The following JAKMIP3 variants were observed in gnomAD, a reference collection of about 807,000 sequenced individuals.
The protein encoded by JAKMIP3 is janus kinase and microtubule-interacting protein 3.
In JAKMIP3, 58 loss-of-function variants were observed where a neutral mutation model predicts 118.5. The ratio of observed to expected loss-of-function variants is 0.49; its 90% CI spans 0.40 to 0.61. The LOEUF is 0.61. Among genes scored for constraint, JAKMIP3 ranks in the 20% least tolerant of loss-of-function variants. The pLI, the probability that JAKMIP3 is intolerant of heterozygous loss-of-function variation, is 0.00. For synonymous variants in JAKMIP3, 486 were observed against 451.2 expected (o/e 1.08, Z -0.98); for missense variants, 950 against 1,109.0 (o/e 0.86, Z 2.04).
At chr10:132,082,460 C>T (rs554782899) in intron 1 of JAKMIP3, among the ~76,000 whole-genome samples, 10 of 152,178 alleles carry the variant, frequency 6.6e-5, no homozygotes, top group African/African-American at 1.7e-4. Flanking sequence ...CTCCCACCTA[C>T]GAGTGAGAGC....
At chr10:132,143,150 G>GC (rs1379773368) in intron 11 of JAKMIP3, among the ~76,000 whole-genome samples, 2 of 151,942 alleles carry the variant, frequency 1.3e-5, no homozygotes, top group African/African-American at 4.8e-5. Flanking sequence ...GTCGGGGTGG[G>GC]GGGGGCTGGC....
chr10:132,097,963 T>TCCCCC (rs1477553564), intron 1 of JAKMIP3, among the ~76,000 whole-genome samples: 3 of 35,982 alleles, frequency 8.3e-5, no homozygotes, highest in African/African-American at 1.6e-4. Flanking sequence ...CCCTTTCCCT[T>TCCCCC]TCCTTCCTTT....
chr10:132,063,413 G>A (rs1306110211), upstream of JAKMIP3, among the ~76,000 whole-genome samples: 3 of 9,412 alleles, frequency 3.2e-4, no homozygotes, highest in Non-Finnish European at 4.6e-4. Flanking sequence ...TGGCTGGGAG[G>A]CTCAAAGCTC....
intron 3 of JAKMIP3, among the ~76,000 whole-genome samples, chr10:132,132,548 T>G (rs2050842313): frequency 6.6e-6 from 1 of 150,406 alleles, no homozygotes; most frequent in Non-Finnish European, 1.5e-5. Context: ...AGCGCCACGT[T>G]GTAGGGAGGG....
intron 2 of JAKMIP3, among the ~76,000 whole-genome samples, chr10:132,105,631 T>C (rs977295137): frequency 4.6e-5 from 7 of 152,194 alleles, no homozygotes; most frequent in African/African-American, 1.7e-4. Context: ...TTTCCACCTC[T>C]AGCATGACCT....
At chr10:132,163,909 A>T (rs1051007845) in intron 20 of JAKMIP3, among the ~76,000 whole-genome samples, 3 of 152,120 alleles carry the variant, frequency 2.0e-5, no homozygotes, top group South Asian at 2.1e-4. Context: ...GCACTGTGGG[A>T]CCTCAGGCCT....
intron 19 of JAKMIP3, among the ~76,000 whole-genome samples, chr10:132,158,978 T>C (rs34205715): frequency 0.48 from 7,472 of 15,662 alleles, 3,156 homozygotes; most frequent in Admixed American, 0.64. Context: ...CTGGGGGGGA[T>C]CTCTCGCTGT....
In JAKMIP3 at chr10:132,139,245, T is replaced by TGTGA. The variant is rs1196484029; in HGVS notation, c.1344+1070_1344+1071insAGTG. Among the ~76,000 whole-genome samples, 134 of 120,326 alleles carry TGTGA rather than the reference T, an allele frequency of 1.1e-3. 3 individuals are homozygous for TGTGA. Among genetic ancestry groups the TGTGA allele is most frequent in the African/African-American group, 4.9e-3 (129 of 26,514 alleles). The allele number at this position is 120,326 out of a possible 152,430, so 78.9% of individuals were successfully genotyped here. ...ACATGTGAGTGTATATGCATCTGTGTGTGTATGTGTGTGTGTGTATGTGTG... is the reference window on the plus strand; with the variant it reads ...ACATGTGAGTGTATATGCATCTGTGTGTGAGTGTATGTGTGTGTGTGTATGTGTG... On this transcript the variant is annotated intron_variant, in intron 9 of 23. Coordinates refer to ENST00000684848, the MANE Select transcript of JAKMIP3 (RefSeq NM_001323087.2).
At chr10:132,149,321 T>C (rs2055351396) in intron 14 of JAKMIP3, 91 bp from the exon 15 acceptor site, 7 of 815,852 alleles carry the variant, frequency 8.6e-6, no homozygotes, top group Non-Finnish European at 7.9e-6. Flanking sequence ...GGTTCCATGG[T>C]CTTGGCCCGT....
upstream of JAKMIP3, among the ~76,000 whole-genome samples, chr10:132,061,335 C>T (rs115877149): frequency 5.3e-3 from 813 of 152,296 alleles, 11 homozygotes; most frequent in African/African-American, 0.018. Flanking sequence ...ATGCATCACA[C>T]GTTGTGCAAA....
intron 23 of JAKMIP3, among the ~76,000 whole-genome samples, chr10:132,170,590 G>A (rs1158399330): frequency 6.6e-6 from 1 of 152,202 alleles, no homozygotes; most frequent in Non-Finnish European, 1.5e-5. Flanking sequence ...ATCCCTGGAT[G>A]GAGCCATTTC....
At chr10:132,135,011 A>C in intron 4 of JAKMIP3, 30 bp from the exon 5 acceptor site, 2 of 1,609,064 alleles carry the variant, frequency 1.2e-6, no homozygotes, top group Non-Finnish European at 1.7e-6. Flanking sequence ...GTGGGTAGGA[A>C]CCGTTATTTG....
intron 1 of JAKMIP3, among the ~76,000 whole-genome samples, chr10:132,043,166 C>A (rs946063875): frequency 1.3e-5 from 2 of 152,116 alleles, no homozygotes; most frequent in African/African-American, 2.4e-5. Context: ...GTGTTTTGTT[C>A]CCTCTGCTGG....
chr10:132,136,462 C>CG (rs2051797073), intron 6 of JAKMIP3, among the ~76,000 whole-genome samples: 1 of 152,074 alleles, frequency 6.6e-6, no homozygotes, highest in African/African-American at 2.4e-5. Context: ...AAGCAGGAGT[C>CG]GGGGGCAGGG....
upstream of JAKMIP3, among the ~76,000 whole-genome samples, chr10:132,064,512 C>G (rs565859635): frequency 3.3e-5 from 5 of 152,152 alleles, no homozygotes; most frequent in Non-Finnish European, 5.9e-5. This position sits in a 1 kb window ranked among gnomAD's most constrained non-coding sequence, Gnocchi z 4.4. Flanking sequence ...CCCACCGTTC[C>G]GGGTCTGAAT....
chr10:132,140,028 C>T (rs567524024), intron 9 of JAKMIP3, among the ~76,000 whole-genome samples: 8 of 152,264 alleles, frequency 5.3e-5, no homozygotes, highest in African/African-American at 1.2e-4. Context: ...CGGAGGACCC[C>T]GTTTTTGTTT....
At chr10:132,091,886 G>A (rs943162966) in intron 1 of JAKMIP3, among the ~76,000 whole-genome samples, 1 of 152,118 alleles carries the variant, frequency 6.6e-6, no homozygotes, top group African/African-American at 2.4e-5. Context: ...TTACAATTTG[G>A]CATGTTTCTG....
At chr10:132,108,759 T>C (rs1365270150) in intron 2 of JAKMIP3, among the ~76,000 whole-genome samples, 1 of 151,888 alleles carries the variant, frequency 6.6e-6, no homozygotes, top group African/African-American at 2.4e-5. Context: ...TCCCAGCACT[T>C]TGGAAGGCTG....
upstream of JAKMIP3, among the ~76,000 whole-genome samples, chr10:132,061,308 T>G (rs1298185724): frequency 6.6e-6 from 1 of 152,124 alleles, no homozygotes; most frequent in African/African-American, 2.4e-5. Context: ...ACACACACGT[T>G]AGGCACCAAG....
Sources: gnomAD v4.1 joint callset for allele counts (sites outside exome capture counted in the v4.1 genomes callset) on GRCh38, gnomAD v4.1.1 for gene constraint, Gnocchi (gnomAD v3.1) non-coding constraint, MANE v1.5 for transcripts, NCBI Gene and HGNC (gene_info 2026-07-23, HGNC 2026-07-21) for gene names.